NFXL1: variants seen among roughly 807,000 people sequenced by gnomAD.
NFXL1 encodes nuclear transcription factor, X-box binding like 1.
A neutral mutation model predicts 123.3 loss-of-function variants in NFXL1; 66 were observed. The observed-to-expected ratio is 0.54, with a 90% confidence interval of 0.44 to 0.66. The LOEUF is 0.66. Among genes scored for constraint, NFXL1 ranks in the 30% least tolerant of loss-of-function variants. The probability of loss-of-function intolerance (pLI) is 0.00; values close to 1 mark genes in which losing one functional copy is unlikely to be tolerated. For missense variants in NFXL1, 944 were observed against 1,125.6 expected (o/e 0.84, Z 2.31); for synonymous variants, 346 against 360.8 (o/e 0.96, Z 0.46).
chr4:47,859,102 T>TA (rs1410991405), intron 19 of NFXL1, among the ~76,000 whole-genome samples: 2 of 152,174 alleles, frequency 1.3e-5, no homozygotes, highest in Non-Finnish European at 2.9e-5. Flanking sequence ...AATATTCACT[T>TA]AGAGATGAGA....
intron 5 of NFXL1, among the ~76,000 whole-genome samples, chr4:47,900,956 A>G (rs1294190547): frequency 6.6e-6 from 1 of 152,200 alleles, no homozygotes; most frequent in African/African-American, 2.4e-5. Flanking sequence ...TTATTAAAAG[A>G]AAAAGCTAGT....
chr4:47,886,521 C>T (rs184134097), intron 12 of NFXL1, among the ~76,000 whole-genome samples: 1 of 152,112 alleles, frequency 6.6e-6, no homozygotes, highest in Admixed American at 6.5e-5. Flanking sequence ...ACACACACCA[C>T]CATGCCCAGC....
chr4:47,874,088 C>T (rs1453924162), intron 18 of NFXL1, among the ~76,000 whole-genome samples: 1 of 152,162 alleles, frequency 6.6e-6, no homozygotes, highest in Non-Finnish European at 1.5e-5. Flanking sequence ...TTAGGAACAT[C>T]TCTAAATGTT....
At chr4:47,858,640 C>A (rs1328835756) in intron 19 of NFXL1, among the ~76,000 whole-genome samples, 2 of 151,998 alleles carry the variant, frequency 1.3e-5, no homozygotes, top group Admixed American at 1.3e-4. Flanking sequence ...CATTGGCAAA[C>A]AATATTGTTT....
intron 5 of NFXL1, among the ~76,000 whole-genome samples, chr4:47,901,690 G>A (rs1448012274): frequency 6.6e-6 from 1 of 152,140 alleles, no homozygotes; most frequent in Non-Finnish European, 1.5e-5. Context: ...AATAGAAAAA[G>A]CACTGAATTT....
Position 47,851,702 on chromosome 4 carries a change from C to A in NFXL1, c.2508+154G>T, listed in dbSNP as rs536961405. Among the ~76,000 whole-genome samples the A allele has an allele frequency of 4.6e-5, 7 of 152,042 alleles. No homozygotes were observed. The East Asian group carries it at 1.4e-3, about 29-fold the overall frequency. ...TTCATATACACTAGGCAATGAAAAT[C>A]CCAATCTGCCATTCAAAATAAGCCT... On this transcript the variant is annotated intron_variant, in intron 21 of 22. Transcript: ENST00000507489.
intron 12 of NFXL1, among the ~76,000 whole-genome samples, chr4:47,888,912 G>A (rs907271871): frequency 2.0e-5 from 3 of 152,180 alleles, no homozygotes; most frequent in African/African-American, 7.2e-5. Context: ...GATGTTTGCT[G>A]ATATGAAGAA....
intron 15 of NFXL1, among the ~76,000 whole-genome samples, chr4:47,880,426 C>CAAAA (rs752132328): frequency 5.5e-5 from 2 of 36,622 alleles, no homozygotes; most frequent in African/African-American, 8.6e-5. Flanking sequence ...GATCCAGTCT[C>CAAAA]AAAAAAAAAA....
chr4:47,890,836 A>G (rs1195050279), intron 11 of NFXL1, 133 bp from the exon 12 acceptor site: 2 of 588,184 alleles, frequency 3.4e-6, no homozygotes, highest in East Asian at 2.9e-5. Flanking sequence ...AAGAATATCA[A>G]CATTCTTCTG....
intron 18 of NFXL1, among the ~76,000 whole-genome samples, chr4:47,866,540 T>A (rs957414610): frequency 2.6e-5 from 4 of 152,054 alleles, no homozygotes; most frequent in African/African-American, 9.7e-5. Context: ...CTCCTGTATC[T>A]CCCACCCAAA....
chr4:47,898,938 CTAATGGG>C lies in NFXL1; in HGVS notation c.988+14_988+20del. 1 of 1,613,534 alleles carries C rather than the reference CTAATGGG, an allele frequency of 6.2e-7. No homozygotes were observed. Among genetic ancestry groups the C allele is most frequent in the Non-Finnish European group, 8.5e-7 (1 of 1,179,564 alleles). ...GACTTTTGCTTAAAGTCAGAAAAATCTAATGGGTATGGCCTTTTACCTGCATGACAAG... is the reference window on the plus strand; with the variant it reads ...GACTTTTGCTTAAAGTCAGAAAAATCTATGGCCTTTTACCTGCATGACAAG... On this transcript the variant is annotated intron_variant, in intron 7 of 22. Coordinates refer to ENST00000507489, the MANE Select transcript of NFXL1 (RefSeq NM_001278624.2).
At chr4:47,854,030 T>C (rs1306963736) in intron 20 of NFXL1, among the ~76,000 whole-genome samples, 1 of 152,096 alleles carries the variant, frequency 6.6e-6, no homozygotes, top group Non-Finnish European at 1.5e-5. Flanking sequence ...AAGAGACATC[T>C]CACATTAAAA....
At position 47,897,976 on chromosome 4, in the gene NFXL1, G is replaced by T; in HGVS notation, c.1195C>A (p.Gln399Lys). The stretch of plus-strand genomic sequence containing the variant: ...AAAAAACAAGTCTTACTTGATTTCT[G>T]ACATGGACAGAACCTTTTCCCAGAT... Reference protein sequence around the residue: ...PRSGKRFCPCQKSKFSLPCTE... With the variant: ...PRSGKRFCPCKKSKFSLPCTE... The change falls in exon 9 of 23, where the codon CAG becomes AAG. Residue 399 changes from glutamine (Q) to lysine (K), a missense_variant. By Grantham distance (53) the Gln-to-Lys change is moderately conservative. This residue lies in a region of NFXL1 where 296 missense variants were observed against 395.1 expected (regional missense o/e 0.75). Transcript: ENST00000507489. 6.3e-7 allele frequency: 1 copy of T among 1,589,980 alleles called. No individual in the cohort carries two copies. The highest frequency in any genetic ancestry group is 8.6e-7 in the Non-Finnish European group (1 of 1,167,422).
At chr4:47,853,205 T>G (rs1734223052) in intron 20 of NFXL1, among the ~76,000 whole-genome samples, 1 of 152,048 alleles carries the variant, frequency 6.6e-6, no homozygotes, top group Admixed American at 6.6e-5. Context: ...GACAGGGAAA[T>G]GGAACACAGT....
At chr4:47,892,452 T>C (rs1013587088) in intron 11 of NFXL1, among the ~76,000 whole-genome samples, 3 of 152,148 alleles carry the variant, frequency 2.0e-5, no homozygotes, top group African/African-American at 7.2e-5. Context: ...TACTGGTCTG[T>C]ATGTGTGTGA....
At chr4:47,862,250 A>T (rs1734810183) in intron 19 of NFXL1, among the ~76,000 whole-genome samples, 1 of 152,210 alleles carries the variant, frequency 6.6e-6, no homozygotes, top group African/African-American at 2.4e-5. Context: ...TGCTTAGACA[A>T]CCACAAGAAT....
chr4:47,905,933 TTC>T (rs141588888), intron 3 of NFXL1, among the ~76,000 whole-genome samples: 2,583 of 152,306 alleles, frequency 0.017, 73 homozygotes, highest in African/African-American at 0.059. Context: ...TGACATTATT[TTC>T]TTTCAGTAAT....
intron 17 of NFXL1, 108 bp from the exon 18 acceptor site, chr4:47,875,401 A>C: frequency 1.4e-6 from 1 of 727,572 alleles, no homozygotes; most frequent in Non-Finnish European, 2.2e-6. Flanking sequence ...GTACTTCTGC[A>C]GTTCTTAGAA....
At chr4:47,895,372 G>A (rs1737025203) in intron 10 of NFXL1, among the ~76,000 whole-genome samples, 1 of 152,158 alleles carries the variant, frequency 6.6e-6, no homozygotes, top group South Asian at 2.1e-4. Context: ...GTCCTATATT[G>A]TATCTTCTTC....
Sources: gnomAD v4.1 joint callset for allele counts (sites outside exome capture counted in the v4.1 genomes callset) on GRCh38, gnomAD v4.1.1 for gene constraint, gnomAD v4.1.1 regional missense constraint, MANE v1.5 for transcripts, NCBI Gene and HGNC (gene_info 2026-07-23, HGNC 2026-07-21) for gene names.